Variants in ZNF420 observed in about 807,000 individuals in gnomAD.
ZNF420 encodes ATM and p53-associated KZNF protein.
ZNF420 carries 31 observed loss-of-function variants against 44.7 expected under a neutral mutation model. That is an observed-to-expected ratio of 0.69 (90% confidence interval 0.52 to 0.94). The LOEUF (loss-of-function observed/expected upper bound fraction) is 0.94, where lower values mean the gene tolerates loss of function less well. ZNF420 is among the 40% of genes least tolerant of loss of function. The pLI, the probability that ZNF420 is intolerant of heterozygous loss-of-function variation, is 0.00. For missense variants in ZNF420, 681 were observed against 827.9 expected, an observed-to-expected ratio of 0.82 and a Z score of 2.18; for synonymous variants, 245 against 267.4, an observed-to-expected ratio of 0.92 and a Z score of 0.82.
intron 4 of ZNF420, chr19:37,106,752 G>C (rs1012859872): frequency 6.6e-6 from 1 of 152,092 alleles, no homozygotes; most frequent in African/African-American, 2.4e-5. Flanking sequence ...AAGAAAAGTG[G>C]GCCCAGGGGA....
intron 1 of ZNF420, among the ~76,000 whole-genome samples, chr19:37,047,968 T>C (rs1967571006): frequency 6.6e-6 from 1 of 152,246 alleles, no homozygotes; most frequent in South Asian, 2.1e-4. Flanking sequence ...TTGCTAGTTA[T>C]CTCTATATTT....
At chr19:37,011,168 C>T (rs1393926917) in intron 1 of ZNF420, among the ~76,000 whole-genome samples, 1 of 152,182 alleles carries the variant, frequency 6.6e-6, no homozygotes, top group Non-Finnish European at 1.5e-5. Context: ...ATGTCTTCAA[C>T]AAAGATCACT....
intron 1 of ZNF420, among the ~76,000 whole-genome samples, chr19:37,056,106 C>CTG (rs368221768): frequency 2.0e-5 from 3 of 151,240 alleles, no homozygotes; most frequent in African/African-American, 7.4e-5. Flanking sequence ...CTCTCTCTCT[C>CTG]TTTCTCTTTC....
rs547734794 is a variant in ZNF420 at position 37,040,889 on chromosome 19, C to T, written c.-125+32807C>T. Among the ~76,000 whole-genome samples the T allele has an allele frequency of 3.7e-4, 56 of 151,812 alleles. 1 individual carries two copies. In the South Asian group the frequency reaches 3.8e-3, roughly 10 times the overall value. On this transcript the variant is annotated intron_variant, in intron 1 of 4. Transcript: ENST00000587029. Reference sequence around the variant, plus strand: ...AGCTTATAAAGTTCTCTCTCAATGTCCCCCAAATCTTCACAGCCCCCCAAA... The same window carrying T: ...AGCTTATAAAGTTCTCTCTCAATGTTCCCCAAATCTTCACAGCCCCCCAAA...
chr19:37,096,127 G>T (rs1271913647), intron 4 of ZNF420: 1 of 151,950 alleles, frequency 6.6e-6, no homozygotes, highest in Non-Finnish European at 1.5e-5. Context: ...TAAGTAATCT[G>T]TATTTTCTCT....
intron 1 of ZNF420, among the ~76,000 whole-genome samples, chr19:37,032,755 A>C (rs1483363485): frequency 6.6e-6 from 1 of 152,222 alleles, no homozygotes; most frequent in Non-Finnish European, 1.5e-5. Context: ...CAGTGAGTGG[A>C]GATAGCACCA....
intron 1 of ZNF420, among the ~76,000 whole-genome samples, chr19:37,023,401 T>G (rs2074663860): frequency 6.6e-6 from 1 of 152,262 alleles, no homozygotes; most frequent in African/African-American, 2.4e-5. Flanking sequence ...AGTCTTGCTC[T>G]GTCGCCCGTG....
At position 37,128,075 on chromosome 19, in the gene ZNF420, C is replaced by T; in HGVS notation, c.1084C>T (p.Pro362Ser). ...QHQRIHTGEK[P>S]YKCEECGKAF... ...TCAGAGGATTCATACTGGTGAAAAA[C>T]CCTATAAATGTGAAGAATGTGGGAA... Residue 362 changes from proline to serine, a missense_variant, in exon 5 of 5, where the codon CCC (proline) becomes TCC (serine). Physicochemically the swap from Pro to Ser is moderately conservative, Grantham distance 74. Transcript: ENST00000337995. The T allele has an allele frequency of 1.9e-6, 3 of 1,613,984 alleles. No individual in the cohort carries two copies. The highest frequency in any genetic ancestry group is 2.5e-6 in the Non-Finnish European group (3 of 1,179,958).
At chr19:37,059,350 G>A (rs2146437666) in intron 1 of ZNF420, among the ~76,000 whole-genome samples, 1 of 152,326 alleles carries the variant, frequency 6.6e-6, no homozygotes, top group East Asian at 1.9e-4. Flanking sequence ...GGAGCGGAGC[G>A]CGAGTCAACC....
In ZNF420 at chr19:37,127,332, A is replaced by G; in HGVS notation, c.341A>G (p.Tyr114Cys). The change falls in exon 5 of 5, where the codon TAT becomes TGT. Residue 114 changes from tyrosine (Y) to cysteine (C), a missense_variant. Physicochemically the swap from Tyr to Cys is radical, Grantham distance 194. Around this residue, in one of 3 missense-constraint regions of ZNF420, gnomAD observed 350 missense variants for 382.5 expected, o/e 0.92. Coordinates refer to ENST00000337995, the MANE Select transcript of ZNF420 (RefSeq NM_144689.5). ...TATTTCAGGCAAGGGATGATCATAT[A>G]TGACAAAATGTCCATTTTCAACCAG... ...KEYFRQGMII[Y>C]DKMSIFNQHT... is the part of the protein sequence containing the mutation. The G allele has an allele frequency of 6.2e-7, 1 of 1,611,820 alleles. No homozygotes were observed. Among genetic ancestry groups the G allele is most frequent in the Non-Finnish European group, 8.5e-7 (1 of 1,178,362 alleles).
intron 4 of ZNF420, among the ~76,000 whole-genome samples, chr19:37,118,228 G>A (rs1421663548): frequency 1.3e-5 from 2 of 152,176 alleles, no homozygotes; most frequent in African/African-American, 2.4e-5. Flanking sequence ...AGAGAGAAAG[G>A]TCAGGTTACC....
chr19:37,112,467 C>A (rs140855449), intron 4 of ZNF420, among the ~76,000 whole-genome samples: 2 of 152,068 alleles, frequency 1.3e-5, no homozygotes, highest in Non-Finnish European at 2.9e-5. Context: ...GTGCCTACGC[C>A]GACAAGTCCT....
Position 37,128,488 on chromosome 19 carries a change from T to C in ZNF420, c.1497T>C (p.Gly499=). The change falls in exon 5 of 5, where the codon GGT becomes GGC. Residue 499 remains glycine (G), a synonymous_variant. Transcript: ENST00000337995. ...QLTQHQRIHT[G]EKPYECKECR... ...CTCAACATCAGAGAATCCATACTGG[T>C]GAGAAACCTTATGAATGTAAAGAAT... The C allele has an allele frequency of 1.2e-6, 2 of 1,613,990 alleles. No homozygotes were observed. Among genetic ancestry groups the C allele is most frequent in the East Asian group, 4.5e-5 (2 of 44,878 alleles).
chr19:37,018,701 G>A (rs2074625272), intron 1 of ZNF420, among the ~76,000 whole-genome samples: 1 of 152,120 alleles, frequency 6.6e-6, no homozygotes, highest in Non-Finnish European at 1.5e-5. Context: ...CTGAGTAGCT[G>A]GGATTATAGG....
At chr19:37,064,729 A>C (rs991962959) in intron 1 of ZNF420, among the ~76,000 whole-genome samples, 2 of 152,214 alleles carry the variant, frequency 1.3e-5, no homozygotes, top group African/African-American at 4.8e-5. Flanking sequence ...TTTAGGCCTA[A>C]GTAACTGCAC....
At chr19:37,110,813 C>G (rs1307360628) in intron 4 of ZNF420, among the ~76,000 whole-genome samples, 1 of 152,142 alleles carries the variant, frequency 6.6e-6, no homozygotes, top group Non-Finnish European at 1.5e-5. Flanking sequence ...TATATACTGT[C>G]AGAGCATTTT....
chr19:37,073,974 AAG>A (rs1322523020), upstream of ZNF420, among the ~76,000 whole-genome samples: 3 of 152,094 alleles, frequency 2.0e-5, no homozygotes, highest in African/African-American at 7.2e-5. Context: ...TGATATTCAA[AAG>A]AGAAAAAATA....
rs540151193 is a variant in ZNF420 at position 37,111,957 on chromosome 19, G to T, written c.137-15171G>T. On this transcript the variant is annotated intron_variant, in intron 4 of 4. Transcript: ENST00000337995. The stretch of plus-strand genomic sequence containing the variant: ...GTCAGTTAACATTCGCCATCTGCTG[G>T]ATTTTTTCTGAATTACAAACACAGG... Among the ~76,000 whole-genome samples, 5 of 152,170 alleles carry T rather than the reference G, an allele frequency of 3.3e-5. No individual in the cohort carries two copies. In the South Asian group the frequency reaches 1.0e-3, roughly 32 times the overall value.
chr19:37,119,122 A>G (rs1970870790), intron 4 of ZNF420, among the ~76,000 whole-genome samples: 1 of 152,144 alleles, frequency 6.6e-6, no homozygotes, highest in Admixed American at 6.5e-5. Context: ...AAGCGGACCT[A>G]ATAGACATCT....
Sources: allele counts gnomAD v4.1 joint callset (sites outside exome capture counted in the v4.1 genomes callset), GRCh38; gene constraint gnomAD v4.1.1; regional missense constraint gnomAD v4.1.1; transcripts MANE v1.5; gene names NCBI Gene and HGNC (gene_info 2026-07-23, HGNC 2026-07-21).